The following DGKI variants were observed in gnomAD, a reference collection of about 807,000 sequenced individuals.
DGKI encodes diacylglycerol kinase iota.
DGKI carries 55 observed loss-of-function variants against 147.5 expected under a neutral mutation model. The ratio of observed to expected loss-of-function variants is 0.37; its 90% confidence interval spans 0.30 to 0.47. The LOEUF (loss-of-function observed/expected upper bound fraction) is 0.47, where lower values mean the gene tolerates loss of function less well. DGKI is among the 20% of genes least tolerant of loss of function. The pLI is 1.00. For missense variants in DGKI, 1,007 were observed against 1,323.8 expected (o/e 0.76, Z 3.71); for synonymous variants, 469 against 477.1 (o/e 0.98, Z 0.22).
chr7:137,829,261 A>T (rs3823554), intron 1 of DGKI, among the ~76,000 whole-genome samples: 1 of 151,912 alleles, frequency 6.6e-6, no homozygotes, highest in Non-Finnish European at 1.5e-5. Flanking sequence ...ATAGGACAGT[A>T]AGGATGATGC....
At chr7:137,818,297 GA>G (rs1248626193) in intron 1 of DGKI, among the ~76,000 whole-genome samples, 3 of 152,184 alleles carry the variant, frequency 2.0e-5, no homozygotes, top group Non-Finnish European at 2.9e-5. Flanking sequence ...TAGGAGTCCA[GA>G]AATGTGTCAT....
intron 20 of DGKI, 115 bp downstream of exon 20, chr7:137,552,254 C>T: frequency 9.5e-7 from 1 of 1,051,344 alleles, no homozygotes; most frequent in Non-Finnish European, 1.4e-6. Context: ...ACTACTGAGT[C>T]TCCTGGACTT....
At chr7:137,595,324 C>T (rs2128987201) in intron 12 of DGKI, among the ~76,000 whole-genome samples, 1 of 152,268 alleles carries the variant, frequency 6.6e-6, no homozygotes, top group Middle Eastern at 3.4e-3. Flanking sequence ...TAAGATTGTA[C>T]CAACTTTCAC....
intron 31 of DGKI, 98 bp downstream of exon 31, chr7:137,397,276 TAAG>T: frequency 8.8e-7 from 1 of 1,132,444 alleles, no homozygotes. Context: ...TTGAATTAAT[TAAG>T]TTAAAATTAC....
intron 28 of DGKI, 80 bp from the exon 29 acceptor site, chr7:137,412,287 T>C (rs1812193284): frequency 7.5e-7 from 1 of 1,340,084 alleles, no homozygotes. Context: ...ATCCATATTT[T>C]GGATAAGTAG....
chr7:137,520,542 C>G (rs894002443), intron 21 of DGKI, among the ~76,000 whole-genome samples: 4 of 152,044 alleles, frequency 2.6e-5, no homozygotes, highest in Admixed American at 2.6e-4. Flanking sequence ...CCTCCTCCAG[C>G]TCACACTTTC....
chr7:137,799,032 T>A (rs899522944), intron 1 of DGKI, among the ~76,000 whole-genome samples: 15 of 152,250 alleles, frequency 9.9e-5, no homozygotes, highest in South Asian at 2.1e-4. Flanking sequence ...TCTATTTTTT[T>A]AAAAAAACTC....
At chr7:137,408,047 T>A in intron 29 of DGKI, 52 bp from the exon 30 acceptor site, 3 of 1,603,736 alleles carry the variant, frequency 1.9e-6, no homozygotes, top group Non-Finnish European at 2.6e-6. Context: ...GGAACAAGGA[T>A]AACAGCTAAC....
In DGKI at chr7:137,687,417, G is replaced by C. The variant is rs182428776; in HGVS notation, c.510+2477C>G. ...GAGTAGACTAATGGTAGAAGATGAG[G>C]GAATCAAACAAGAGAGTGGAGGAGA... On this transcript the variant is annotated intron_variant, in intron 2 of 32. Transcript: ENST00000614521. Among the ~76,000 whole-genome samples the C allele has an allele frequency of 5.5e-4, 83 of 152,246 alleles. No individual in the cohort carries two copies. In the East Asian group the frequency reaches 0.011, roughly 21 times the overall value.
intron 1 of DGKI, among the ~76,000 whole-genome samples, chr7:137,779,912 T>C (rs555355934): frequency 6.6e-6 from 1 of 152,140 alleles, no homozygotes; most frequent in Non-Finnish European, 1.5e-5. Context: ...TGAGAGATGA[T>C]GAAGGAGTGA....
intron 20 of DGKI, among the ~76,000 whole-genome samples, chr7:137,522,884 G>C (rs1435522494): frequency 6.6e-6 from 1 of 151,890 alleles, no homozygotes; most frequent in Non-Finnish European, 1.5e-5. Flanking sequence ...ACCTTATACT[G>C]GGATTTCATT....
intron 1 of DGKI, among the ~76,000 whole-genome samples, chr7:137,776,629 C>T (rs1381024475): frequency 6.6e-6 from 1 of 152,104 alleles, no homozygotes; most frequent in Non-Finnish European, 1.5e-5. Flanking sequence ...AAAGAAGAAA[C>T]GTTCATTTTT....
intron 1 of DGKI, among the ~76,000 whole-genome samples, chr7:137,761,029 C>A (rs62490509): frequency 0.026 from 3,985 of 152,282 alleles, 89 homozygotes; most frequent in Non-Finnish European, 0.039. Flanking sequence ...CATCGAAACA[C>A]AATTTCCCAT....
chr7:137,388,041 T>A lies in DGKI; in HGVS notation c.*3179A>T, dbSNP rs149146543. ...GGTATGTACGGCTCTCCATCAGTCATTACTAATTTCCATCACTGTGCATTT... is the reference window on the plus strand; with the variant it reads ...GGTATGTACGGCTCTCCATCAGTCAATACTAATTTCCATCACTGTGCATTT... On this transcript the variant is annotated 3_prime_UTR_variant, in exon 33 of 33. Transcript: ENST00000614521. 232 of 152,304 alleles carry A rather than the reference T, an allele frequency of 1.5e-3. 1 individual carries two copies. Among genetic ancestry groups the A allele is most frequent in the African/African-American group, 5.4e-3 (226 of 41,588 alleles). The allele number at this position is 152,304 out of a possible 1,614,324, so 9.4% of individuals were successfully genotyped here. A position where few individuals can be genotyped will look rare whatever the true frequency, so the allele number is the denominator to read the frequency against.
At chr7:137,811,364 CCTCTCT>C (rs879359264) in intron 1 of DGKI, among the ~76,000 whole-genome samples, 3 of 137,728 alleles carry the variant, frequency 2.2e-5, no homozygotes, top group Non-Finnish European at 4.7e-5. Flanking sequence ...TCTCTCTCTC[CCTCTCT>C]CTCTCTCTCT....
chr7:137,623,195 C>T (rs879528085), intron 7 of DGKI, among the ~76,000 whole-genome samples: 3 of 152,188 alleles, frequency 2.0e-5, no homozygotes, highest in Admixed American at 1.3e-4. Flanking sequence ...GAGAAGTCCT[C>T]AACTCTAGAC....
intron 1 of DGKI, among the ~76,000 whole-genome samples, chr7:137,784,603 C>T (rs770223564): frequency 6.6e-6 from 1 of 152,062 alleles, no homozygotes; most frequent in African/African-American, 2.4e-5. Flanking sequence ...TGGACTTAAA[C>T]TATACCCTAT....
At chr7:137,829,086 T>C (rs915613965) in intron 1 of DGKI, among the ~76,000 whole-genome samples, 2 of 152,230 alleles carry the variant, frequency 1.3e-5, no homozygotes, top group African/African-American at 2.4e-5. Flanking sequence ...CTATTTTAGA[T>C]GGCAAAACAG....
At chr7:137,547,070 A>C (rs1817890989) in intron 20 of DGKI, among the ~76,000 whole-genome samples, 1 of 152,196 alleles carries the variant, frequency 6.6e-6, no homozygotes, top group Non-Finnish European at 1.5e-5. Flanking sequence ...CTCCCAAAAC[A>C]CCTGGGTAAT....
Sources: allele counts gnomAD v4.1 joint callset (sites outside exome capture counted in the v4.1 genomes callset), GRCh38; gene constraint gnomAD v4.1.1; transcripts MANE v1.5; gene names NCBI Gene and HGNC (gene_info 2026-07-23, HGNC 2026-07-21).